Variants in SSU72 observed in about 807,000 individuals in gnomAD.
SSU72 encodes SSU72 homolog, RNA polymerase II CTD phosphatase, also known as RNA polymerase II subunit A C-terminal domain phosphatase SSU72.
SSU72 carries 12 observed loss-of-function variants against 22.7 expected under a neutral mutation model. The ratio of observed to expected loss-of-function variants is 0.53; its 90% confidence interval spans 0.34 to 0.86. The LOEUF is 0.86. SSU72 is among the 40% of genes least tolerant of loss of function. The pLI is 0.02. For synonymous variants in SSU72, 116 were observed against 98.3 expected, an observed-to-expected ratio of 1.18 and a Z score of -1.06; for missense variants, 151 against 249.8, an observed-to-expected ratio of 0.60 and a Z score of 2.67.
At chr1:1,567,664 C>A (rs1466892173) in intron 1 of SSU72, among the ~76,000 whole-genome samples, 1 of 152,108 alleles carries the variant, frequency 6.6e-6, no homozygotes, top group African/African-American at 2.4e-5. Context: ...TATGTTCCGT[C>A]AAAGCACAAA....
Position 1,542,219 on chromosome 1 carries a change from C to A in SSU72, c.484-52G>T. On this transcript the variant is annotated intron_variant, in intron 4 of 4. Transcript: ENST00000291386. This position sits in a 1 kb window ranked among gnomAD's most constrained non-coding sequence, Gnocchi z 4.4. ...CCTTGCCCACTCCTGCCTGTCTGCT[C>A]CCCCTAACACCTGGATCGCCAGGGA... is the stretch of plus-strand genomic sequence containing the variant. The A allele has an allele frequency of 6.6e-7, 1 of 1,512,656 alleles. No homozygotes were observed. Among genetic ancestry groups the A allele is most frequent in the East Asian group, 2.4e-5 (1 of 40,942 alleles). The allele number at this position is 1,512,656 out of a possible 1,614,324, so 93.7% of individuals were successfully genotyped here. A position where few individuals can be genotyped will look rare whatever the true frequency, so the allele number is the denominator to read the frequency against.
chr1:1,546,702 C>T (rs553612729), intron 2 of SSU72, among the ~76,000 whole-genome samples: 1 of 151,720 alleles, frequency 6.6e-6, no homozygotes, highest in South Asian at 2.1e-4. Context: ...CCAGGTGGGG[C>T]GGCACACACC....
chr1:1,568,416 AC>A (rs978866882), intron 1 of SSU72, among the ~76,000 whole-genome samples: 3 of 150,808 alleles, frequency 2.0e-5, no homozygotes, highest in African/African-American at 7.3e-5. Flanking sequence ...ACATGACAAA[AC>A]CCCGTCTCTA....
At chr1:1,552,151 G>GC (rs151102152) in intron 2 of SSU72, among the ~76,000 whole-genome samples, 1,634 of 152,276 alleles carry the variant, frequency 0.011, 30 homozygotes, top group African/African-American at 0.037. Context: ...CACGCTGGCC[G>GC]CGTGGACGCA....
chr1:1,555,247 T>A (rs3753330), intron 2 of SSU72, among the ~76,000 whole-genome samples: 78,671 of 152,022 alleles, frequency 0.52, 24,741 homozygotes, highest in East Asian at 0.87. Context: ...ATGGCAAAAC[T>A]CAAAGCACCG....
chr1:1,567,271 A>T (rs1197272646), intron 1 of SSU72, among the ~76,000 whole-genome samples: 1 of 152,160 alleles, frequency 6.6e-6, no homozygotes, highest in Admixed American at 6.5e-5. Context: ...AGTGTACGTG[A>T]AACACCTGAG....
At chr1:1,552,857 C>T (rs573942317) in intron 2 of SSU72, among the ~76,000 whole-genome samples, 2 of 151,930 alleles carry the variant, frequency 1.3e-5, no homozygotes, top group African/African-American at 2.4e-5. Context: ...CCCATCTCTA[C>T]TAAAACTACA....
rs1362046655 is a variant in SSU72, at chr1:1,542,958, G to A, written c.484-791C>T. ...CACACAGCAGCTTCTCCCAGCGCCC[G>A]CCCGCCTGGCTCCCGGGCTTTCCAA... On this transcript the variant is annotated intron_variant, in intron 4 of 4. Coordinates refer to ENST00000291386, the MANE Select transcript of SSU72 (RefSeq NM_014188.3). The surrounding 1 kb of genome is among the most constrained non-coding windows in gnomAD (Gnocchi z 4.4). Among the ~76,000 whole-genome samples, 1 of 152,172 alleles carries A rather than the reference G, an allele frequency of 6.6e-6. No homozygotes were observed. The highest frequency in any genetic ancestry group is 2.1e-4 in the South Asian group (1 of 4,818).
chr1:1,573,408 C>T (rs968791222), intron 1 of SSU72, among the ~76,000 whole-genome samples: 7 of 137,256 alleles, frequency 5.1e-5, no homozygotes, highest in Non-Finnish European at 1.1e-4. Flanking sequence ...CCAGTTTGGG[C>T]GACAGAGCAA....
At chr1:1,549,259 C>T (rs188763831) in intron 2 of SSU72, among the ~76,000 whole-genome samples, 35 of 151,942 alleles carry the variant, frequency 2.3e-4, no homozygotes, top group Non-Finnish European at 4.4e-4. Context: ...CGGTGGCTCA[C>T]GCCTGTAATC....
intron 1 of SSU72, among the ~76,000 whole-genome samples, chr1:1,565,868 T>C (rs1392818978): frequency 3.3e-5 from 5 of 152,210 alleles, no homozygotes; most frequent in Non-Finnish European, 1.5e-5. Context: ...AGAGAGGTCG[T>C]CTCCAAACAC....
chr1:1,544,452 T>C (rs1037884665), intron 3 of SSU72, among the ~76,000 whole-genome samples: 2 of 152,018 alleles, frequency 1.3e-5, no homozygotes, highest in Non-Finnish European at 2.9e-5. Context: ...ACCCCGTCTC[T>C]ACTAAAAATA....
intron 2 of SSU72, among the ~76,000 whole-genome samples, chr1:1,558,346 C>T (rs1437028677): frequency 2.0e-5 from 3 of 152,086 alleles, no homozygotes; most frequent in Non-Finnish European, 4.4e-5. Flanking sequence ...GCAGCCCACA[C>T]GACAGAGAGA....
At chr1:1,568,512 G>A (rs1333843472) in intron 1 of SSU72, among the ~76,000 whole-genome samples, 4 of 151,334 alleles carry the variant, frequency 2.6e-5, no homozygotes, top group Admixed American at 2.0e-4. Flanking sequence ...GCTGAGGCTG[G>A]AGAATCGCTT....
At chr1:1,560,332 G>A (rs554545542) in intron 2 of SSU72, among the ~76,000 whole-genome samples, 1 of 152,066 alleles carries the variant, frequency 6.6e-6, no homozygotes, top group East Asian at 1.9e-4. Flanking sequence ...TTTTTGTAGA[G>A]ATAGAGGCTT....
intron 2 of SSU72, among the ~76,000 whole-genome samples, chr1:1,555,067 C>G (rs921901007): frequency 1.3e-5 from 2 of 152,106 alleles, no homozygotes; most frequent in Non-Finnish European, 2.9e-5. Context: ...ACGAGGGGGG[C>G]CAGCTATCAC....
In SSU72 at chr1:1,556,304, G is replaced by A. The variant is rs562151814; in HGVS notation, c.224+8469C>T. ...AGAATTAGCCAGGCGTGGTGGCGGC[G>A]TGCCTGTAGTCCCAGCTACTTGGGA... On this transcript the variant is annotated intron_variant, in intron 2 of 4. Transcript: ENST00000291386. Among the ~76,000 whole-genome samples the A allele has an allele frequency of 2.0e-5, 3 of 152,250 alleles. No homozygotes were observed. The East Asian group carries it at 5.8e-4, about 29-fold the overall frequency.
chr1:1,552,104 T>C (rs1642461930), intron 2 of SSU72, among the ~76,000 whole-genome samples: 1 of 152,118 alleles, frequency 6.6e-6, no homozygotes, highest in South Asian at 2.1e-4. Context: ...CAGCAGATGC[T>C]CTGGAGGGCG....
intron 2 of SSU72, among the ~76,000 whole-genome samples, chr1:1,552,695 A>G (rs992461273): frequency 6.6e-6 from 1 of 152,212 alleles, no homozygotes; most frequent in East Asian, 1.9e-4. Flanking sequence ...CTATCTAGTC[A>G]GACTGAGGCT....
Sources: gnomAD v4.1 joint callset for allele counts (sites outside exome capture counted in the v4.1 genomes callset) on GRCh38, gnomAD v4.1.1 for gene constraint, Gnocchi (gnomAD v3.1) non-coding constraint, MANE v1.5 for transcripts, NCBI Gene and HGNC (gene_info 2026-07-23, HGNC 2026-07-21) for gene names.